Variants in LRP1B observed in about 807,000 individuals in gnomAD.
LRP1B encodes the protein LDL receptor related protein 1B.
LRP1B carries 217 observed loss-of-function variants against 556.6 expected under a neutral mutation model. The ratio of observed to expected loss-of-function variants is 0.39; its 90% CI spans 0.35 to 0.44. The LOEUF (loss-of-function observed/expected upper bound fraction) is 0.44, where lower values mean the gene tolerates loss of function less well. Among genes scored for constraint, LRP1B ranks in the 20% least tolerant of loss-of-function variants. The pLI is 1.00. For missense variants in LRP1B, 5,053 were observed against 5,620.8 expected (o/e 0.90, Z 3.23); for synonymous variants, 2,047 against 1,865.8 (o/e 1.10, Z -2.50).
At chr2:141,008,968 A>T (rs770290808) in intron 14 of LRP1B, among the ~76,000 whole-genome samples, 15 of 151,956 alleles carry the variant, frequency 9.9e-5, no homozygotes, top group Non-Finnish European at 1.5e-4. Flanking sequence ...ACTTTTGTTA[A>T]TAAAGTATCT....
In LRP1B at chr2:140,600,767, GTTTTTTTTTTTT is replaced by G. The variant is rs61336155; in HGVS notation, c.6989+671_6989+682del. On this transcript the variant is annotated intron_variant, in intron 42 of 90. Coordinates refer to ENST00000389484, the MANE Select transcript of LRP1B (RefSeq NM_018557.3). ...CCTTACCTGTGCTTTGTTCTTCGGG[GTTTTTTTTTTTT>G]TTTTTTTTTTTTTTACATAACTGCT... 3.1e-3 allele frequency among the ~76,000 whole-genome samples: 179 copies of G among 56,908 alleles called. 5 individuals are homozygous for G. In the East Asian group the frequency reaches 0.06, roughly 19 times the overall value. The allele number at this position is 56,908 out of a possible 152,430, so 37.3% of individuals were successfully genotyped here.
At chr2:141,345,329 TGTGG>T (rs1688207682) in intron 3 of LRP1B, among the ~76,000 whole-genome samples, 1 of 152,168 alleles carries the variant, frequency 6.6e-6, no homozygotes, top group Non-Finnish European at 1.5e-5. Flanking sequence ...ACCATTAAGT[TGTGG>T]TAATCTGTTA....
At chr2:140,489,491 A>T (rs1002460483) in intron 57 of LRP1B, among the ~76,000 whole-genome samples, 1 of 152,130 alleles carries the variant, frequency 6.6e-6, no homozygotes, top group Non-Finnish European at 1.5e-5. Context: ...ATCCATTTAC[A>T]TCCTAAAAAC....
At chr2:141,215,841 G>T (rs58065886) in intron 6 of LRP1B, among the ~76,000 whole-genome samples, 1 of 152,082 alleles carries the variant, frequency 6.6e-6, no homozygotes, top group Non-Finnish European at 1.5e-5. Context: ...ATGAGTTAAC[G>T]TTGGAATTTG....
chr2:141,656,335 G>A (rs77823643), intron 2 of LRP1B, among the ~76,000 whole-genome samples: 6,758 of 152,174 alleles, frequency 0.044, 199 homozygotes, highest in Admixed American at 0.068. Context: ...TCTCTCATAT[G>A]AAGGAATCCC....
intron 3 of LRP1B, among the ~76,000 whole-genome samples, chr2:141,470,169 C>A (rs868107091): frequency 6.6e-6 from 1 of 152,148 alleles, no homozygotes; most frequent in Non-Finnish European, 1.5e-5. Flanking sequence ...AGAAATCTCT[C>A]TTTATTTCTT....
At chr2:141,342,849 T>C (rs1041530526) in intron 3 of LRP1B, among the ~76,000 whole-genome samples, 1 of 152,058 alleles carries the variant, frequency 6.6e-6, no homozygotes, top group African/African-American at 2.4e-5. Context: ...CAGGCCAACA[T>C]TCAAATTCAG....
intron 41 of LRP1B, among the ~76,000 whole-genome samples, chr2:140,657,142 G>T (rs1435273884): frequency 6.6e-6 from 1 of 151,692 alleles, no homozygotes; most frequent in East Asian, 1.9e-4. Flanking sequence ...GTTTTCTCAG[G>T]AACACACATA....
At chr2:140,794,571 A>G (rs560886415) in intron 32 of LRP1B, among the ~76,000 whole-genome samples, 1 of 152,162 alleles carries the variant, frequency 6.6e-6, no homozygotes, top group Non-Finnish European at 1.5e-5. Flanking sequence ...ATATGGTTAA[A>G]TAACATTGAA....
intron 17 of LRP1B, among the ~76,000 whole-genome samples, chr2:140,984,444 G>A (rs974489350): frequency 1.3e-5 from 2 of 151,842 alleles, no homozygotes; most frequent in African/African-American, 4.8e-5. Context: ...TAATTGGCCT[G>A]TAATAAGAAT....
At chr2:141,562,440 C>A (rs1293066976) in intron 2 of LRP1B, among the ~76,000 whole-genome samples, 1 of 151,894 alleles carries the variant, frequency 6.6e-6, no homozygotes, top group Non-Finnish European at 1.5e-5. Context: ...TTTACTATTA[C>A]TCCCCACTAC....
intron 1 of LRP1B, among the ~76,000 whole-genome samples, chr2:142,002,045 C>T (rs1391633271): frequency 2.6e-5 from 4 of 152,096 alleles, no homozygotes; most frequent in Non-Finnish European, 4.4e-5. Flanking sequence ...AATTACTTAA[C>T]CTTAGCCAAA....
chr2:141,074,059 C>G lies in LRP1B; in HGVS notation c.1014-11786G>C, dbSNP rs919686089. On this transcript the variant is annotated intron_variant, in intron 7 of 90. Coordinates refer to ENST00000389484, the MANE Select transcript of LRP1B (RefSeq NM_018557.3). ...ATCAAATCTTACATTCCTAACATTA[C>G]CAACAATGGCGAACATGAGCTGGTT... Among the ~76,000 whole-genome samples, 3 of 152,196 alleles carry G rather than the reference C, an allele frequency of 2.0e-5. No individual in the cohort carries two copies. In the East Asian group the frequency reaches 5.8e-4, roughly 29 times the overall value.
chr2:141,752,660 GTGTGT>G (rs1278693400), intron 2 of LRP1B, among the ~76,000 whole-genome samples: 3 of 151,646 alleles, frequency 2.0e-5, no homozygotes, highest in Non-Finnish European at 4.4e-5. Context: ...TGGTGTGTGT[GTGTGT>G]GTGTGTTTAT....
In LRP1B at chr2:141,112,531, T is replaced by C. The variant is rs375503799; in HGVS notation, c.1014-50258A>G. On this transcript the variant is annotated intron_variant, in intron 7 of 90. Coordinates refer to ENST00000389484, the MANE Select transcript of LRP1B (RefSeq NM_018557.3). ...ATAAGCTTTGTTCAAGCACGAGTTA[T>C]AATGCTATCTGTACATATTTTGAAA... Among the ~76,000 whole-genome samples, 17 of 152,324 alleles carry C rather than the reference T, an allele frequency of 1.1e-4. No individual in the cohort carries two copies. In the East Asian group the frequency reaches 3.3e-3, roughly 29 times the overall value.
chr2:142,093,631 C>A (rs1299128252), intron 1 of LRP1B, among the ~76,000 whole-genome samples: 1 of 151,940 alleles, frequency 6.6e-6, no homozygotes, highest in African/African-American at 2.4e-5. Context: ...AGGGAGTAAA[C>A]CGGATTTCCA....
chr2:140,926,529 T>C (rs1694891111), intron 20 of LRP1B, among the ~76,000 whole-genome samples: 1 of 151,980 alleles, frequency 6.6e-6, no homozygotes, highest in African/African-American at 2.4e-5. Flanking sequence ...AATCTGTACA[T>C]ACAGGGTCTT....
At chr2:141,067,562 G>A (rs945830431) in intron 7 of LRP1B, among the ~76,000 whole-genome samples, 15 of 151,974 alleles carry the variant, frequency 9.9e-5, no homozygotes, top group African/African-American at 3.1e-4. Flanking sequence ...AAAAGTGTAC[G>A]TGTATTGGAT....
intron 1 of LRP1B, among the ~76,000 whole-genome samples, chr2:142,115,484 TATATAATTATATATA>T (rs2104997937): frequency 1.8e-5 from 1 of 55,696 alleles, no homozygotes; most frequent in African/African-American, 4.9e-5. Context: ...ATACATATAA[TATATAATTATATATA>T]ATATATATTA....
Sources: gnomAD v4.1 joint callset for allele counts (sites outside exome capture counted in the v4.1 genomes callset) on GRCh38, gnomAD v4.1.1 for gene constraint, MANE v1.5 for transcripts, NCBI Gene and HGNC (gene_info 2026-07-23, HGNC 2026-07-21) for gene names.